RNF170: variants seen among roughly 807,000 people sequenced by gnomAD.
RNF170 encodes the protein E3 ubiquitin-protein ligase RNF170.
RNF170 carries 12 observed loss-of-function variants against 32.7 expected under a neutral mutation model. The ratio of observed to expected loss-of-function variants is 0.37; its 90% confidence interval spans 0.24 to 0.60. The LOEUF (loss-of-function observed/expected upper bound fraction) is 0.60, where lower values mean the gene tolerates loss of function less well. Among genes scored for constraint, RNF170 ranks in the 20% least tolerant of loss-of-function variants. The pLI is 0.72. For synonymous variants in RNF170, 91 were observed against 103.6 expected, an observed-to-expected ratio of 0.88 and a Z score of 0.74; for missense variants, 212 against 311.2, an observed-to-expected ratio of 0.68 and a Z score of 2.40.
At chr8:42,873,614 A>G (rs1804686972) in intron 3 of RNF170, among the ~76,000 whole-genome samples, 1 of 152,208 alleles carries the variant, frequency 6.6e-6, no homozygotes, top group Admixed American at 6.5e-5. Context: ...TAAGGAGTAT[A>G]TGTCAGAAAA....
chr8:42,861,527 G>A, intron 6 of RNF170: 1 of 497,012 alleles, frequency 2.0e-6, no homozygotes, highest in South Asian at 2.1e-5. Flanking sequence ...GTTTTTTCTA[G>A]AGATGGGGTT....
chr8:42,894,751 G>C (rs1344387673), intron 1 of RNF170, among the ~76,000 whole-genome samples: 1 of 152,084 alleles, frequency 6.6e-6, no homozygotes, highest in East Asian at 1.9e-4. Context: ...TTTTAGTAGA[G>C]ACGGGGTTTC....
At chr8:42,867,794 A>AAAAAAG in intron 4 of RNF170, among the ~76,000 whole-genome samples, 1 of 150,500 alleles carries the variant, frequency 6.6e-6, no homozygotes, top group Admixed American at 6.6e-5. Context: ...AAAAAAAAAA[A>AAAAAAG]AAAAAGAAAA....
At chr8:42,886,300 G>A (rs1356953221) in intron 2 of RNF170, among the ~76,000 whole-genome samples, 1 of 151,984 alleles carries the variant, frequency 6.6e-6, no homozygotes, top group Non-Finnish European at 1.5e-5. Context: ...CCTTCTATTT[G>A]GTGTATATTA....
At chr8:42,877,652 CTTAAGAG>C (rs1805057565) in intron 2 of RNF170, among the ~76,000 whole-genome samples, 2 of 152,098 alleles carry the variant, frequency 1.3e-5, no homozygotes, top group South Asian at 4.1e-4. Context: ...AAGGGCCAAA[CTTAAGAG>C]TTAAAACTAT....
At chr8:42,874,788 A>C (rs1179408253) in intron 2 of RNF170, among the ~76,000 whole-genome samples, 1 of 152,068 alleles carries the variant, frequency 6.6e-6, no homozygotes, top group Non-Finnish European at 1.5e-5. Context: ...ACATGTCACT[A>C]ATCTCTTGAC....
chr8:42,878,545 G>A (rs969820977), intron 2 of RNF170, among the ~76,000 whole-genome samples: 1 of 152,242 alleles, frequency 6.6e-6, no homozygotes, highest in African/African-American at 2.4e-5. Context: ...GAAGCTGAGG[G>A]AGGAGAGGAA....
chr8:42,878,495 G>C (rs1805132006), intron 2 of RNF170, among the ~76,000 whole-genome samples: 1 of 152,224 alleles, frequency 6.6e-6, no homozygotes, highest in Admixed American at 6.5e-5. Context: ...TTAAGCCAAA[G>C]CCTAATTCAG....
intron 1 of RNF170, 72 bp from the exon 2 acceptor site, chr8:42,887,943 G>C (rs1258511186): frequency 7.2e-7 from 1 of 1,382,718 alleles, no homozygotes; most frequent in African/African-American, 1.4e-5. Flanking sequence ...TAAAAGCAAT[G>C]TAAATATAAC....
intron 1 of RNF170, among the ~76,000 whole-genome samples, chr8:42,893,099 T>C (rs1211423027): frequency 6.6e-6 from 1 of 152,164 alleles, no homozygotes; most frequent in Non-Finnish European, 1.5e-5. Context: ...AAAAATACAT[T>C]TTTAAAGAAT....
intron 3 of RNF170, among the ~76,000 whole-genome samples, chr8:42,871,545 A>G (rs900871267): frequency 6.6e-6 from 1 of 152,074 alleles, no homozygotes; most frequent in African/African-American, 2.4e-5. Flanking sequence ...TGCTACAAAA[A>G]GTGTACAGCA....
chr8:42,857,661 C>T (rs1026369536), intron 6 of RNF170, among the ~76,000 whole-genome samples: 1 of 152,166 alleles, frequency 6.6e-6, no homozygotes, highest in African/African-American at 2.4e-5. Flanking sequence ...ACATACCAGG[C>T]TTTCTTACTC....
intron 6 of RNF170, among the ~76,000 whole-genome samples, chr8:42,861,000 G>C (rs1803613957): frequency 6.6e-6 from 1 of 152,140 alleles, no homozygotes; most frequent in African/African-American, 2.4e-5. Flanking sequence ...TTACAGGCGT[G>C]AGCCACCGCC....
At chr8:42,860,424 A>C (rs1353448355) in intron 6 of RNF170, among the ~76,000 whole-genome samples, 1 of 152,018 alleles carries the variant, frequency 6.6e-6, no homozygotes, top group Non-Finnish European at 1.5e-5. Flanking sequence ...ATATCCCTCC[A>C]AACTTTTTTT....
At position 42,855,643 on chromosome 8, in the gene RNF170, A is replaced by T. The variant is rs1204171403; in HGVS notation, c.*516T>A. On this transcript the variant is annotated 3_prime_UTR_variant, in exon 7 of 7. Coordinates refer to ENST00000527424, the MANE Select transcript of RNF170 (RefSeq NM_030954.4). The stretch of plus-strand genomic sequence containing the variant: ...AATAATTAATTATACCAGAATGAAA[A>T]GGCAGAACTGCTCCAAATGCACAAA... The T allele has an allele frequency of 3.9e-6, 5 of 1,285,512 alleles. No individual in the cohort carries two copies. In the South Asian group the frequency reaches 6.2e-5, roughly 16 times the overall value. The allele number at this position is 1,285,512 out of a possible 1,614,324, so 79.6% of individuals were successfully genotyped here. A position where few individuals can be genotyped will look rare whatever the true frequency, so the allele number is the denominator to read the frequency against.
chr8:42,880,014 A>G (rs1805256661), intron 2 of RNF170, among the ~76,000 whole-genome samples: 1 of 152,206 alleles, frequency 6.6e-6, no homozygotes, highest in Non-Finnish European at 1.5e-5. Context: ...CAAAATATCA[A>G]CATTAACCGG....
intron 2 of RNF170, among the ~76,000 whole-genome samples, chr8:42,881,733 G>C (rs1230809436): frequency 6.6e-6 from 1 of 152,152 alleles, no homozygotes; most frequent in Admixed American, 6.6e-5. Flanking sequence ...CCTGGAATTT[G>C]AGACCAGCCT....
downstream of RNF170, among the ~76,000 whole-genome samples, chr8:42,852,572 C>G (rs528112023): frequency 1.6e-4 from 24 of 152,170 alleles, no homozygotes; most frequent in East Asian, 4.6e-3. Flanking sequence ...TGCGTGCCAC[C>G]ACACCTGGCT....
At chr8:42,860,772 C>T (rs1803595260) in intron 6 of RNF170, among the ~76,000 whole-genome samples, 2 of 151,676 alleles carry the variant, frequency 1.3e-5, no homozygotes, top group South Asian at 4.2e-4. Flanking sequence ...GGCTGGAGTG[C>T]AGTGGCGTGA....
Sources: allele counts gnomAD v4.1 joint callset (sites outside exome capture counted in the v4.1 genomes callset), GRCh38; gene constraint gnomAD v4.1.1; transcripts MANE v1.5; gene names NCBI Gene and HGNC (gene_info 2026-07-23, HGNC 2026-07-21).